The following OTOA variants were observed in gnomAD, a reference collection of about 807,000 sequenced individuals.
The protein encoded by OTOA is otoancorin.
OTOA carries 70 observed loss-of-function variants against 110.8 expected under a neutral mutation model. The observed-to-expected ratio is 0.63, with a 90% CI of 0.52 to 0.77. The LOEUF is 0.77. OTOA is among the 30% of genes least tolerant of loss of function. OTOA has a pLI of 0.00. For missense variants in OTOA, 917 were observed against 1,075.8 expected (o/e 0.85, Z 2.06); for synonymous variants, 373 against 431.5 (o/e 0.86, Z 1.68).
rs762219627 is a variant in OTOA, at chr16:21,726,484, C to T, written c.1881-39C>T. ...TGATTTTAGGGGCCAACAGGAGCAGCCATGTGTTCCTCCTCTTGTTCTCCC... is the reference window on the plus strand; with the variant it reads ...TGATTTTAGGGGCCAACAGGAGCAGTCATGTGTTCCTCCTCTTGTTCTCCC... On this transcript the variant is annotated intron_variant, in intron 18 of 28. Transcript: ENST00000646100. The T allele has an allele frequency of 6.8e-6, 11 of 1,612,098 alleles. No individual in the cohort carries two copies. The Admixed American group carries it at 1.8e-4, about 27-fold the overall frequency.
intron 7 of OTOA, among the ~76,000 whole-genome samples, chr16:21,687,079 G>A (rs570732366): frequency 2.6e-5 from 4 of 152,168 alleles, no homozygotes; most frequent in African/African-American, 9.7e-5. Context: ...AGGGATCAGA[G>A]ACTTCACGAA....
intron 8 of OTOA, among the ~76,000 whole-genome samples, chr16:21,689,122 C>T (rs528808872): frequency 6.6e-5 from 10 of 152,210 alleles, no homozygotes; most frequent in Non-Finnish European, 1.3e-4. Context: ...ATAGGCATTG[C>T]AACCACCGCC....
chr16:21,722,994 C>T lies in OTOA; in HGVS notation c.1880+16C>T, dbSNP rs780808952. 1.2e-6 allele frequency: 2 copies of T among 1,612,502 alleles called. No individual in the cohort carries two copies. The highest frequency in any genetic ancestry group is 1.1e-5 in the South Asian group (1 of 91,030). On this transcript the variant is annotated intron_variant, in intron 18 of 28. Transcript: ENST00000646100. ...CTGCACTCCCGTAAGTGAACATCAG[C>T]CCCCACCTTCTGGCTCATCAGTGAG...
At chr16:21,712,114 G>A (rs1898376006) in intron 13 of OTOA, among the ~76,000 whole-genome samples, 1 of 151,682 alleles carries the variant, frequency 6.6e-6, no homozygotes, top group South Asian at 2.1e-4. Flanking sequence ...GATCACTTGA[G>A]GCTAGGGGTT....
intron 16 of OTOA, 79 bp downstream of exon 16, chr16:21,719,270 G>A: frequency 6.3e-7 from 1 of 1,582,676 alleles, no homozygotes; most frequent in East Asian, 2.2e-5. Flanking sequence ...TTTCCAGGTG[G>A]GAGAGTTAGG....
chr16:21,678,648 GT>G, intron 2 of OTOA, 43 bp downstream of exon 2: 2 of 1,553,142 alleles, frequency 1.3e-6, no homozygotes, highest in South Asian at 1.1e-5. Flanking sequence ...TTTCCACACA[GT>G]TTAGGGAATG....
intron 1 of OTOA, among the ~76,000 whole-genome samples, chr16:21,669,646 T>A (rs1028053584): frequency 1.3e-5 from 2 of 152,118 alleles, no homozygotes; most frequent in Non-Finnish European, 2.9e-5. Flanking sequence ...TTTCTTTTAT[T>A]CCCTACATTC....
At chr16:21,725,631 G>T (rs530143118) in intron 18 of OTOA, among the ~76,000 whole-genome samples, 22 of 152,222 alleles carry the variant, frequency 1.4e-4, no homozygotes, top group African/African-American at 5.3e-4. Context: ...GCAATGACAG[G>T]CTTGGGATAA....
intron 24 of OTOA, chr16:21,747,772 A>C (rs1233859268): frequency 1.3e-5 from 2 of 150,830 alleles, no homozygotes; most frequent in Non-Finnish European, 3.0e-5. Context: ...ACAATTTAAT[A>C]CCATATCTTC....
At chr16:21,732,610 A>G (rs1748154050) in intron 21 of OTOA, among the ~76,000 whole-genome samples, 1 of 152,130 alleles carries the variant, frequency 6.6e-6, no homozygotes, top group Non-Finnish European at 1.5e-5. Context: ...AAAAAAATCA[A>G]CTTCTGAAAT....
chr16:21,667,095 C>T (rs1016517080), intron 1 of OTOA, among the ~76,000 whole-genome samples: 1 of 152,190 alleles, frequency 6.6e-6, no homozygotes, highest in African/African-American at 2.4e-5. Context: ...ACCAGGAAGA[C>T]TTCTAATTGG....
At chr16:21,705,399 T>C in intron 12 of OTOA, 107 bp downstream of exon 12, 1 of 1,567,612 alleles carries the variant, frequency 6.4e-7, no homozygotes, top group Non-Finnish European at 8.7e-7. Flanking sequence ...ACAGCATTAG[T>C]CGGGATTTAA....
At chr16:21,687,150 A>T (rs761005027) in intron 7 of OTOA, among the ~76,000 whole-genome samples, 1 of 152,206 alleles carries the variant, frequency 6.6e-6, no homozygotes, top group Non-Finnish European at 1.5e-5. Context: ...AAAAGGAAAG[A>T]TGCAGAATTC....
rs1053876140 is a variant in OTOA, at chr16:21,720,314, T to A, written c.1806+810T>A. On this transcript the variant is annotated intron_variant, in intron 17 of 28. Transcript: ENST00000646100. ...CACAGGCCTTACAGCATTTGAACTTTTGGTGTGAACCGCTGGCTTACAGAC... is the reference window on the plus strand; with the variant it reads ...CACAGGCCTTACAGCATTTGAACTTATGGTGTGAACCGCTGGCTTACAGAC... Among the ~76,000 whole-genome samples the A allele has an allele frequency of 2.0e-5, 3 of 152,188 alleles. 1 individual carries two copies. Among genetic ancestry groups the A allele is most frequent in the African/African-American group, 7.2e-5 (3 of 41,444 alleles).
In OTOA at chr16:21,711,488, A is replaced by G. The variant is rs115405870; in HGVS notation, c.1320+1385A>G. Among the ~76,000 whole-genome samples, 784 of 151,924 alleles carry G rather than the reference A, an allele frequency of 5.2e-3. 6 individuals carry two copies. Among genetic ancestry groups the G allele is most frequent in the African/African-American group, 0.018 (740 of 41,446 alleles). On this transcript the variant is annotated intron_variant, in intron 13 of 28. Transcript: ENST00000646100. The stretch of plus-strand genomic sequence containing the variant: ...TTGGTGTCATCTAATTTTTTTTTTG[A>G]TACGGAGTCTTGCCCTTGTCGCCCA...
At chr16:21,703,052 A>G (rs1898083793) in intron 11 of OTOA, among the ~76,000 whole-genome samples, 1 of 152,178 alleles carries the variant, frequency 6.6e-6, no homozygotes, top group African/African-American at 2.4e-5. Context: ...TTTGAGATAT[A>G]TATTCATTGT....
chr16:21,687,389 C>T (rs375115023), intron 7 of OTOA, 24 bp from the exon 8 acceptor site: 616 of 1,606,246 alleles, frequency 3.8e-4, no homozygotes, highest in Non-Finnish European at 5.0e-4. Flanking sequence ...CTCAAACTGA[C>T]CCTGGCTTCT....
intron 28 of OTOA, among the ~76,000 whole-genome samples, chr16:21,757,615 C>CTATTATTATTATTATTATTATTATTAT (rs557683434): frequency 2.1e-3 from 321 of 149,814 alleles, no homozygotes; most frequent in African/African-American, 6.6e-3. Context: ...TAATAATGAA[C>CTATTATTATTATTATTATTATTATTAT]TATTATTATT....
At chr16:21,688,777 C>T (rs1189787136) in intron 8 of OTOA, among the ~76,000 whole-genome samples, 1 of 152,134 alleles carries the variant, frequency 6.6e-6, no homozygotes, top group Non-Finnish European at 1.5e-5. Flanking sequence ...ATCACCTCCT[C>T]AAAACTCCAC....
Sources: allele counts gnomAD v4.1 joint callset (sites outside exome capture counted in the v4.1 genomes callset), GRCh38; gene constraint gnomAD v4.1.1; transcripts MANE v1.5; gene names NCBI Gene and HGNC (gene_info 2026-07-23, HGNC 2026-07-21).